KSR2: variants seen among roughly 807,000 people sequenced by gnomAD.
The protein encoded by KSR2 is kinase suppressor of ras 2.
In KSR2, 25 loss-of-function variants were observed where a neutral mutation model predicts 107.8. The ratio of observed to expected loss-of-function variants is 0.23; its 90% CI spans 0.17 to 0.32. The LOEUF is 0.32. Ranked by LOEUF, KSR2 falls within the 10% of genes least tolerant of loss-of-function variation. The probability of loss-of-function intolerance (pLI) is 1.00; values close to 1 mark genes in which losing one functional copy is unlikely to be tolerated. For synonymous variants in KSR2, 480 were observed against 507.0 expected, an observed-to-expected ratio of 0.95 and a Z score of 0.71; for missense variants, 887 against 1,268.9, an observed-to-expected ratio of 0.70 and a Z score of 4.57.
intron 2 of KSR2, among the ~76,000 whole-genome samples, chr12:117,860,043 G>A (rs1226442635): frequency 1.3e-5 from 2 of 152,184 alleles, no homozygotes; most frequent in African/African-American, 2.4e-5. Flanking sequence ...AAGTGATTTG[G>A]CCAAGGTGAC....
At chr12:117,806,057 T>C (rs1267715523) in intron 3 of KSR2, among the ~76,000 whole-genome samples, 2 of 152,128 alleles carry the variant, frequency 1.3e-5, no homozygotes, top group African/African-American at 4.8e-5. Context: ...TGCAGCCAAA[T>C]TAATGTAATA....
intron 16 of KSR2, among the ~76,000 whole-genome samples, chr12:117,481,517 C>A (rs1007449890): frequency 6.6e-6 from 1 of 152,184 alleles, no homozygotes; most frequent in Non-Finnish European, 1.5e-5. Flanking sequence ...GGGAAGAGAG[C>A]CCTCACTAGA....
intron 1 of KSR2, among the ~76,000 whole-genome samples, chr12:117,949,324 T>C (rs1396474317): frequency 2.0e-5 from 3 of 149,094 alleles, no homozygotes; most frequent in African/African-American, 7.4e-5. Context: ...AAAAAGAAAA[T>C]CTTCGGAATG....
At chr12:117,520,223 C>T (rs541254399) in intron 14 of KSR2, among the ~76,000 whole-genome samples, 145 of 152,318 alleles carry the variant, frequency 9.5e-4, no homozygotes, top group Non-Finnish European at 1.8e-3. Flanking sequence ...GCTCCCTCTG[C>T]CTTTCTGACC....
At chr12:117,825,140 C>A (rs1309988015) in intron 3 of KSR2, among the ~76,000 whole-genome samples, 1 of 152,178 alleles carries the variant, frequency 6.6e-6, no homozygotes, top group Non-Finnish European at 1.5e-5. Flanking sequence ...CAACATTGCG[C>A]CACTGCACTC....
At chr12:117,530,243 T>C (rs1875518826) in intron 12 of KSR2, among the ~76,000 whole-genome samples, 1 of 152,276 alleles carries the variant, frequency 6.6e-6, no homozygotes, top group Admixed American at 6.5e-5. Flanking sequence ...TTTTAAAGAA[T>C]AGCCCACATT....
chr12:117,644,288 C>A (rs1348710314), intron 5 of KSR2, among the ~76,000 whole-genome samples: 2 of 152,194 alleles, frequency 1.3e-5, no homozygotes. Context: ...CAGTCTAAAA[C>A]CTGTTTTTAT....
At chr12:117,540,578 T>G (rs1269047696) in intron 9 of KSR2, among the ~76,000 whole-genome samples, 4 of 152,078 alleles carry the variant, frequency 2.6e-5, no homozygotes, top group African/African-American at 9.7e-5. Flanking sequence ...TTCGGGTGAG[T>G]CCTAAATCCA....
intron 3 of KSR2, among the ~76,000 whole-genome samples, chr12:117,798,718 A>ATATATAT (rs545976554): frequency 9.2e-6 from 1 of 108,614 alleles, no homozygotes. Context: ...CCAAAAAAAA[A>ATATATAT]AAATATATAT....
intron 4 of KSR2, among the ~76,000 whole-genome samples, chr12:117,693,279 C>T (rs1885908149): frequency 1.3e-5 from 2 of 152,086 alleles, no homozygotes; most frequent in Admixed American, 1.3e-4. Context: ...GGTCTGTTGG[C>T]CTTGTTTAAT....
At position 117,559,569 on chromosome 12, in the gene KSR2, T is replaced by C. The variant is rs576964087; in HGVS notation, c.1326-996A>G. Among the ~76,000 whole-genome samples, 4 of 152,166 alleles carry C rather than the reference T, an allele frequency of 2.6e-5. No individual in the cohort carries two copies. In the South Asian group the frequency reaches 8.3e-4, roughly 32 times the overall value. ...AGGGGTCCCAAAGGTGGCCGCTCAT[T>C]TTTCTTAAAGCCTCACGCTGTAGGA... On this transcript the variant is annotated intron_variant, in intron 7 of 19. Transcript: ENST00000339824.
intron 5 of KSR2, among the ~76,000 whole-genome samples, chr12:117,638,141 C>A (rs1883195929): frequency 7.0e-6 from 1 of 143,734 alleles, no homozygotes; most frequent in Non-Finnish European, 1.5e-5. Flanking sequence ...AACATTTTTG[C>A]CTAAGTGTTA....
chr12:117,548,094 TAA>T (rs1315413399), intron 9 of KSR2, among the ~76,000 whole-genome samples: 2 of 145,182 alleles, frequency 1.4e-5, no homozygotes, highest in Non-Finnish European at 1.5e-5. Flanking sequence ...GACTCCATCT[TAA>T]AAAAAAAAAA....
intron 18 of KSR2, 123 bp downstream of exon 18, chr12:117,471,068 G>A (rs770651186): frequency 8.6e-7 from 1 of 1,157,180 alleles, no homozygotes; most frequent in Non-Finnish European, 1.2e-6. Context: ...AGGTTGGAAT[G>A]CATATTTTTT....
chr12:117,710,658 T>A (rs963260639), intron 4 of KSR2, among the ~76,000 whole-genome samples: 1 of 152,166 alleles, frequency 6.6e-6, no homozygotes, highest in Admixed American at 6.5e-5. Flanking sequence ...CATCGGTGCC[T>A]TGAGAATAAT....
intron 14 of KSR2, among the ~76,000 whole-genome samples, chr12:117,487,444 T>C (rs1418932361): frequency 6.6e-6 from 1 of 152,216 alleles, no homozygotes; most frequent in African/African-American, 2.4e-5. Flanking sequence ...CAGCCCAGAA[T>C]GAGTCAGGGC....
At chr12:117,591,126 C>A (rs1880287155) in intron 5 of KSR2, among the ~76,000 whole-genome samples, 1 of 152,150 alleles carries the variant, frequency 6.6e-6, no homozygotes, top group African/African-American at 2.4e-5. Context: ...AAGATGATAG[C>A]CCAAGACTGT....
At chr12:117,906,084 C>T (rs571771105) in intron 1 of KSR2, among the ~76,000 whole-genome samples, 2 of 152,234 alleles carry the variant, frequency 1.3e-5, no homozygotes, top group African/African-American at 4.8e-5. Context: ...GGTACAGTGG[C>T]TCACACCTGT....
chr12:117,593,271 C>T (rs544144235), intron 5 of KSR2, among the ~76,000 whole-genome samples: 1 of 152,352 alleles, frequency 6.6e-6, no homozygotes, highest in South Asian at 2.1e-4. Flanking sequence ...ACTGCCATCA[C>T]CACAAATGTC....
Sources: gnomAD v4.1 joint callset for allele counts (sites outside exome capture counted in the v4.1 genomes callset) on GRCh38, gnomAD v4.1.1 for gene constraint, MANE v1.5 for transcripts, NCBI Gene and HGNC (gene_info 2026-07-23, HGNC 2026-07-21) for gene names.